Variants in RNF10 observed in about 807,000 individuals in gnomAD.
RNF10 encodes E3 ubiquitin-protein ligase RNF10.
In RNF10, 38 loss-of-function variants were observed where a neutral mutation model predicts 91.4. The ratio of observed to expected loss-of-function variants is 0.42; its 90% CI spans 0.32 to 0.54. RNF10 has a LOEUF of 0.54. Among genes scored for constraint, RNF10 ranks in the 20% least tolerant of loss-of-function variants. The pLI, the probability that RNF10 is intolerant of heterozygous loss-of-function variation, is 0.16. For synonymous variants in RNF10, 364 were observed against 366.3 expected (o/e 0.99, Z 0.07); for missense variants, 945 against 1,012.0 (o/e 0.93, Z 0.90).
chr12:120,561,403 G>A (rs1461927340), intron 7 of RNF10, among the ~76,000 whole-genome samples: 2 of 152,184 alleles, frequency 1.3e-5, no homozygotes, highest in Admixed American at 1.3e-4. Context: ...ACAACCACTG[G>A]TTGTTAGGTC....
At chr12:120,565,574 G>A (rs2137238986) in intron 12 of RNF10, 45 bp downstream of exon 12, 9 of 1,529,698 alleles carry the variant, frequency 5.9e-6, no homozygotes, top group Non-Finnish European at 7.2e-6. Context: ...GCTGTACGTC[G>A]TTGTATAGAA....
chr12:120,551,295 T>TTTG (rs1565951903), intron 2 of RNF10, among the ~76,000 whole-genome samples: 2 of 131,604 alleles, frequency 1.5e-5, no homozygotes, highest in African/African-American at 5.3e-5. Context: ...CTAGTGTTTT[T>TTTG]TTTTTTTTTT....
chr12:120,568,899 G>A lies in RNF10; in HGVS notation c.2041+1919G>A, dbSNP rs141682432. Among the ~76,000 whole-genome samples, 63 of 152,252 alleles carry A rather than the reference G, an allele frequency of 4.1e-4. 3 individuals are homozygous for A. The East Asian group carries it at 0.012, about 28-fold the overall frequency. The stretch of plus-strand genomic sequence containing the variant: ...AGCCTCCCAGAGTGCTGGGATTCCA[G>A]GTGTGAGCCACTGTACCTGGCCAAG... On this transcript the variant is annotated intron_variant, in intron 13 of 16. Coordinates refer to ENST00000325954, the MANE Select transcript of RNF10 (RefSeq NM_014868.5).
chr12:120,563,995 T>C, intron 10 of RNF10, 52 bp downstream of exon 10: 1 of 1,605,558 alleles, frequency 6.2e-7, no homozygotes, highest in Non-Finnish European at 8.5e-7. Flanking sequence ...TAACCTAATC[T>C]CTTTGAGGTA....
intron 14 of RNF10, among the ~76,000 whole-genome samples, chr12:120,574,314 T>C (rs547576000): frequency 6.6e-6 from 1 of 152,350 alleles, no homozygotes; most frequent in African/African-American, 2.4e-5. Flanking sequence ...TCTCTTGATA[T>C]TTTTCCAGGA....
intron 3 of RNF10, among the ~76,000 whole-genome samples, chr12:120,553,128 G>A (rs947537125): frequency 2.3e-4 from 28 of 120,048 alleles, no homozygotes; most frequent in African/African-American, 8.8e-4. Context: ...CTGCCACCCA[G>A]GCTAGAGTGC....
rs1877291948 is a variant in RNF10 at position 120,575,692 on chromosome 12, A to G, written c.2200+4A>G. 6.2e-7 allele frequency: 1 copy of G among 1,614,106 alleles called. No individual in the cohort carries two copies. Among genetic ancestry groups the G allele is most frequent in the African/African-American group, 1.3e-5 (1 of 74,940 alleles). Reference sequence around the variant, plus strand: ...CCCAAAACTGCTCCAAAGAAAGGTGAGGATGGTCCACTGGTGAAGGGGGAG... The same window carrying G: ...CCCAAAACTGCTCCAAAGAAAGGTGGGGATGGTCCACTGGTGAAGGGGGAG... On this transcript the variant is annotated splice_donor_region_variant and intron_variant, in intron 15 of 16. Coordinates refer to ENST00000325954, the MANE Select transcript of RNF10 (RefSeq NM_014868.5).
intron 1 of RNF10, among the ~76,000 whole-genome samples, chr12:120,538,225 A>G (rs1445503852): frequency 6.6e-6 from 1 of 152,228 alleles, no homozygotes; most frequent in Non-Finnish European, 1.5e-5. Context: ...AGTTTTCAGT[A>G]TTCAAATATT....
rs891730258 is a variant in RNF10 at position 120,534,743 on chromosome 12, A to C, written c.-69A>C. On this transcript the variant is annotated 5_prime_UTR_variant, in exon 1 of 17. Coordinates refer to ENST00000325954, the MANE Select transcript of RNF10 (RefSeq NM_014868.5). The stretch of plus-strand genomic sequence containing the variant: ...CGCCGCCGACCCCCGCCGGCCCTGA[A>C]CGCCATGAGCCTGGGTCCCCGCCGC... 248 of 1,462,248 alleles carry C rather than the reference A, an allele frequency of 1.7e-4. 1 individual carries two copies. The highest frequency in any genetic ancestry group is 2.9e-5 in the Admixed American group (1 of 33,936). 90.6% of individuals were successfully genotyped at this position (1,462,248 alleles called of 1,614,324 possible). A position where few individuals can be genotyped will look rare whatever the true frequency, so the allele number is the denominator to read the frequency against.
chr12:120,565,014 C>T (rs1179428427), intron 10 of RNF10, 58 bp from the exon 11 acceptor site: 3 of 1,158,322 alleles, frequency 2.6e-6, no homozygotes, highest in Non-Finnish European at 3.9e-6. Context: ...GGGTTAGGAC[C>T]CCCTGCTTTC....
At chr12:120,567,762 C>A (rs1875985320) in intron 13 of RNF10, among the ~76,000 whole-genome samples, 1 of 149,992 alleles carries the variant, frequency 6.7e-6, no homozygotes, top group East Asian at 2.0e-4. Context: ...TATTCACGTA[C>A]TAATGGGAAG....
rs117533586 is a variant in RNF10, at chr12:120,544,958, G to A, written c.158-1447G>A. 3.0e-3 allele frequency among the ~76,000 whole-genome samples: 454 copies of A among 152,292 alleles called. 6 individuals are homozygous for A. Among genetic ancestry groups the A allele is most frequent in the Admixed American group, 0.018 (273 of 15,294 alleles). On this transcript the variant is annotated intron_variant, in intron 1 of 16. Transcript: ENST00000325954. ...TACAGCAATTAATCATGCTTCTGAA[G>A]ACTAGGGATGCATAAAAATGCTCAC...
chr12:120,551,922 A>G (rs1167516714), intron 2 of RNF10, among the ~76,000 whole-genome samples: 1 of 152,070 alleles, frequency 6.6e-6, no homozygotes, highest in Non-Finnish European at 1.5e-5. Context: ...TACAGGAAAC[A>G]TGGCTGGGGA....
At chr12:120,551,663 GC>G (rs2137172956) in intron 2 of RNF10, among the ~76,000 whole-genome samples, 2 of 150,996 alleles carry the variant, frequency 1.3e-5, no homozygotes, top group East Asian at 3.9e-4. Flanking sequence ...TCACCCTGTT[GC>G]CCAGGCTGGA....
chr12:120,560,233 C>T (rs1336432524), intron 6 of RNF10, among the ~76,000 whole-genome samples: 1 of 149,324 alleles, frequency 6.7e-6, no homozygotes, highest in Non-Finnish European at 1.5e-5. Flanking sequence ...CTCACTGCGA[C>T]CTCTGCCTCC....
At chr12:120,559,355 T>G (rs937715983) in intron 6 of RNF10, among the ~76,000 whole-genome samples, 59 of 150,950 alleles carry the variant, frequency 3.9e-4, no homozygotes, top group Non-Finnish European at 8.0e-4. Flanking sequence ...CTAATTTTTG[T>G]TTTTTTTGTG....
At chr12:120,538,088 A>G (rs987367047) in intron 1 of RNF10, among the ~76,000 whole-genome samples, 4 of 152,314 alleles carry the variant, frequency 2.6e-5, no homozygotes, top group East Asian at 1.9e-4. Context: ...TAAGCTGAAC[A>G]CTTCATATAC....
chr12:120,553,278 C>T (rs896270103), intron 3 of RNF10, among the ~76,000 whole-genome samples: 2 of 150,030 alleles, frequency 1.3e-5, no homozygotes, highest in South Asian at 2.1e-4. Context: ...TTGATAGAGA[C>T]GGGGTTTCAC....
intron 12 of RNF10, 30 bp from the exon 13 acceptor site, chr12:120,566,794 TG>T: frequency 6.4e-7 from 1 of 1,565,742 alleles, no homozygotes. Context: ...ATTCTGTAAA[TG>T]GGTTTACAAG....
Sources: gnomAD v4.1 joint callset for allele counts (sites outside exome capture counted in the v4.1 genomes callset) on GRCh38, gnomAD v4.1.1 for gene constraint, MANE v1.5 for transcripts, NCBI Gene and HGNC (gene_info 2026-07-23, HGNC 2026-07-21) for gene names.